KCNJ3: variants seen among roughly 807,000 people sequenced by gnomAD.
KCNJ3 encodes the protein potassium inwardly rectifying channel subfamily J member 3.
KCNJ3 carries 4 observed loss-of-function variants against 39.2 expected under a neutral mutation model. That is an observed-to-expected ratio of 0.10 (90% CI 0.05 to 0.23). KCNJ3 has a LOEUF of 0.23. Among genes scored for constraint, KCNJ3 ranks in the 10% least tolerant of loss-of-function variants. KCNJ3 has a pLI of 1.00. For synonymous variants in KCNJ3, 230 were observed against 237.4 expected (o/e 0.97, Z 0.29); for missense variants, 276 against 634.9 (o/e 0.43, Z 6.08).
chr2:154,786,117 G>A (rs2105206775), intron 2 of KCNJ3, among the ~76,000 whole-genome samples: 1 of 152,322 alleles, frequency 6.6e-6, no homozygotes, highest in South Asian at 2.1e-4. Flanking sequence ...ATTGCTTATA[G>A]TAGAAGCACA....
chr2:154,802,921 C>T (rs1277382844), intron 2 of KCNJ3, among the ~76,000 whole-genome samples: 3 of 151,654 alleles, frequency 2.0e-5, no homozygotes, highest in African/African-American at 7.3e-5. Flanking sequence ...TTTACAGATT[C>T]TAGATTTTGC....
At chr2:154,739,475 C>T (rs115100820) in intron 2 of KCNJ3, among the ~76,000 whole-genome samples, 2,472 of 152,046 alleles carry the variant, frequency 0.016, 69 homozygotes, top group African/African-American at 0.055. Context: ...CTCTTTTTCT[C>T]GTCTTTCTCC....
chr2:154,722,339 A>G (rs1229957717), intron 2 of KCNJ3, among the ~76,000 whole-genome samples: 5 of 152,190 alleles, frequency 3.3e-5, no homozygotes, highest in Non-Finnish European at 7.3e-5. Flanking sequence ...TGAGTAGTGT[A>G]AATTGGGAAA....
chr2:154,719,534 A>G (rs1685232420), intron 2 of KCNJ3, among the ~76,000 whole-genome samples: 1 of 152,166 alleles, frequency 6.6e-6, no homozygotes, highest in South Asian at 2.1e-4. Flanking sequence ...TTGTGTGAAG[A>G]TGTAATATAA....
chr2:154,804,557 T>C (rs1686877697), intron 2 of KCNJ3, among the ~76,000 whole-genome samples: 1 of 152,172 alleles, frequency 6.6e-6, no homozygotes, highest in Admixed American at 6.6e-5. Flanking sequence ...CTATTGAATT[T>C]TCTGCTGAAT....
At chr2:154,787,213 CACTT>C (rs1312071534) in intron 2 of KCNJ3, among the ~76,000 whole-genome samples, 1 of 152,150 alleles carries the variant, frequency 6.6e-6, no homozygotes, top group East Asian at 1.9e-4. Context: ...TTTTCAATAA[CACTT>C]AGTATTATTG....
intron 2 of KCNJ3, among the ~76,000 whole-genome samples, chr2:154,735,603 G>T (rs1685517274): frequency 6.6e-6 from 1 of 152,054 alleles, no homozygotes; most frequent in Admixed American, 6.6e-5. Context: ...TAATTTTCTC[G>T]ACTTATTGAT....
chr2:154,747,795 G>T (rs887024628), intron 2 of KCNJ3, among the ~76,000 whole-genome samples: 1 of 152,048 alleles, frequency 6.6e-6, no homozygotes, highest in African/African-American at 2.4e-5. Flanking sequence ...AAGGCCTGTT[G>T]TTTGATAGGT....
chr2:154,724,923 A>G (rs1685326858), intron 2 of KCNJ3, among the ~76,000 whole-genome samples: 1 of 145,886 alleles, frequency 6.9e-6, no homozygotes, highest in South Asian at 2.1e-4. Flanking sequence ...TGAGGTATAT[A>G]TATATATATA....
intron 2 of KCNJ3, among the ~76,000 whole-genome samples, chr2:154,828,700 T>G (rs912994368): frequency 5.3e-5 from 8 of 152,184 alleles, no homozygotes; most frequent in African/African-American, 1.9e-4. Context: ...GCTATTCCCT[T>G]TGGCAGGGGT....
rs1429839486 is a variant in KCNJ3, at chr2:154,858,351, T to TC, written c.*3039dup. ...GATAAAAATAAAGAATTGCTTTTCT[T>TC]CTCCTTTTGCTGATTTTTTGACACA... On this transcript the variant is annotated 3_prime_UTR_variant, in exon 3 of 3. Coordinates refer to ENST00000295101, the MANE Select transcript of KCNJ3 (RefSeq NM_002239.4). The TC allele has an allele frequency of 6.6e-6, 1 of 152,216 alleles. No individual in the cohort carries two copies. Among genetic ancestry groups the TC allele is most frequent in the African/African-American group, 2.4e-5 (1 of 41,458 alleles). 9.4% of individuals were successfully genotyped at this position (152,216 alleles called of 1,614,324 possible). A position where few individuals can be genotyped will look rare whatever the true frequency, so the allele number is the denominator to read the frequency against.
chr2:154,706,129 A>AAATCT (rs1472614656), intron 1 of KCNJ3, among the ~76,000 whole-genome samples: 1 of 152,148 alleles, frequency 6.6e-6, no homozygotes, highest in Non-Finnish European at 1.5e-5. Context: ...TTTACTGCAT[A>AAATCT]AATCTTAACT....
intron 2 of KCNJ3, among the ~76,000 whole-genome samples, chr2:154,804,351 A>C (rs1375010088): frequency 6.6e-6 from 1 of 152,192 alleles, no homozygotes; most frequent in African/African-American, 2.4e-5. Flanking sequence ...GTAGTTAAAC[A>C]TATTTATGAT....
chr2:154,814,607 A>G (rs1278926405), intron 2 of KCNJ3, among the ~76,000 whole-genome samples: 2 of 152,182 alleles, frequency 1.3e-5, no homozygotes, highest in Non-Finnish European at 2.9e-5. Context: ...ACTGTGCTCC[A>G]GCCTGGGCAA....
chr2:154,734,321 CA>C (rs1026480926), intron 2 of KCNJ3, among the ~76,000 whole-genome samples: 2 of 152,114 alleles, frequency 1.3e-5, no homozygotes, highest in African/African-American at 2.4e-5. Flanking sequence ...GGAATTCGCC[CA>C]AAAGGACTAC....
chr2:154,772,497 G>C lies in KCNJ3; in HGVS notation c.919+62678G>C, dbSNP rs1686260235. 2.6e-5 allele frequency among the ~76,000 whole-genome samples: 4 copies of C among 152,118 alleles called. No individual in the cohort carries two copies. The South Asian group carries it at 6.2e-4, about 24-fold the overall frequency. ...AAAAATACTTCATGGAATTTGTAAT[G>C]ATTGAAACACAAGTACTATAAAATC... is the stretch of plus-strand genomic sequence containing the variant. On this transcript the variant is annotated intron_variant, in intron 2 of 2. Coordinates refer to ENST00000295101, the MANE Select transcript of KCNJ3 (RefSeq NM_002239.4).
At chr2:154,846,047 A>C (rs1359064326) in intron 2 of KCNJ3, among the ~76,000 whole-genome samples, 1 of 152,162 alleles carries the variant, frequency 6.6e-6, no homozygotes, top group East Asian at 1.9e-4. Context: ...AGGGAGTTAA[A>C]GGTAGTGCTT....
At chr2:154,824,885 A>G (rs1574476068) in intron 2 of KCNJ3, among the ~76,000 whole-genome samples, 1 of 152,288 alleles carries the variant, frequency 6.6e-6, no homozygotes, top group Non-Finnish European at 1.5e-5. Context: ...TGCACTAATG[A>G]CTGCAGTGGG....
intron 2 of KCNJ3, among the ~76,000 whole-genome samples, chr2:154,771,946 G>A (rs982666819): frequency 5.3e-5 from 8 of 152,128 alleles, no homozygotes; most frequent in African/African-American, 1.7e-4. Context: ...AAGTATTAGA[G>A]TAATATGCTA....
Sources: gnomAD v4.1 joint callset for allele counts (sites outside exome capture counted in the v4.1 genomes callset) on GRCh38, gnomAD v4.1.1 for gene constraint, MANE v1.5 for transcripts, NCBI Gene and HGNC (gene_info 2026-07-23, HGNC 2026-07-21) for gene names.